CNTN5: variants seen among roughly 807,000 people sequenced by gnomAD.
CNTN5 encodes the protein contactin 5.
In CNTN5, 77 loss-of-function variants were observed where a neutral mutation model predicts 129.1. The observed-to-expected ratio is 0.60, with a 90% CI of 0.50 to 0.72. CNTN5 has a LOEUF of 0.72. CNTN5 is among the 30% of genes least tolerant of loss of function. The pLI is 0.00. For missense variants in CNTN5, 1,478 were observed against 1,328.8 expected (o/e 1.11, Z -1.75); for synonymous variants, 509 against 465.6 (o/e 1.09, Z -1.20).
intron 1 of CNTN5, among the ~76,000 whole-genome samples, chr11:99,232,800 T>C (rs1861070542): frequency 6.6e-6 from 1 of 152,222 alleles, no homozygotes; most frequent in Admixed American, 6.5e-5. Context: ...CTCTATGATC[T>C]AATAACTTTG....
intron 1 of CNTN5, among the ~76,000 whole-genome samples, chr11:99,180,334 C>T (rs913372263): frequency 3.3e-5 from 5 of 152,086 alleles, no homozygotes; most frequent in African/African-American, 7.2e-5. Flanking sequence ...GCAACAGTCT[C>T]GGCTCCAGAG....
intron 13 of CNTN5, among the ~76,000 whole-genome samples, chr11:100,116,679 A>G (rs916253263): frequency 6.6e-6 from 1 of 152,004 alleles, no homozygotes; most frequent in Non-Finnish European, 1.5e-5. Context: ...TAATGATAAT[A>G]TAATATCTTT....
chr11:100,041,871 A>T (rs1942397811), intron 9 of CNTN5, among the ~76,000 whole-genome samples: 1 of 152,232 alleles, frequency 6.6e-6, no homozygotes, highest in Non-Finnish European at 1.5e-5. Context: ...TCTGAACCAC[A>T]TGAAGTCCTA....
chr11:99,072,585 A>G (rs552303105), intron 1 of CNTN5, among the ~76,000 whole-genome samples: 1 of 152,196 alleles, frequency 6.6e-6, no homozygotes, highest in East Asian at 1.9e-4. Flanking sequence ...GTTTTACCAT[A>G]TTTAGGAATT....
chr11:99,235,043 A>G (rs1591395196), intron 1 of CNTN5, among the ~76,000 whole-genome samples: 1 of 62,098 alleles, frequency 1.6e-5, no homozygotes. Context: ...AATGAAACCT[A>G]CCCTTTTTCT....
chr11:99,338,919 G>GATAT (rs10534485), intron 2 of CNTN5, among the ~76,000 whole-genome samples: 1,336 of 126,830 alleles, frequency 0.011, 12 homozygotes, highest in Middle Eastern at 0.03. Flanking sequence ...TTCATTCACA[G>GATAT]ATATATATAT....
chr11:99,174,534 A>T (rs950230695), intron 1 of CNTN5, among the ~76,000 whole-genome samples: 1 of 152,144 alleles, frequency 6.6e-6, no homozygotes, highest in Non-Finnish European at 1.5e-5. Flanking sequence ...TCTAGTGTTA[A>T]AAACTCTTTA....
chr11:100,196,797 C>G (rs150513456), intron 15 of CNTN5, among the ~76,000 whole-genome samples: 3 of 152,020 alleles, frequency 2.0e-5, no homozygotes, highest in Non-Finnish European at 2.9e-5. Flanking sequence ...TGATCCAATT[C>G]ATCCAAATCC....
intron 1 of CNTN5, among the ~76,000 whole-genome samples, chr11:99,097,676 T>G (rs1392893316): frequency 6.6e-6 from 1 of 151,914 alleles, no homozygotes; most frequent in Non-Finnish European, 1.5e-5. Flanking sequence ...TTTGAAAACT[T>G]AAGCCATTAT....
chr11:99,185,567 T>C (rs1858301914), intron 1 of CNTN5, among the ~76,000 whole-genome samples: 1 of 151,918 alleles, frequency 6.6e-6, no homozygotes, highest in South Asian at 2.1e-4. Context: ...AAAGTTTTTT[T>C]TCCCTATGAC....
At chr11:99,881,498 T>C (rs79178925) in intron 6 of CNTN5, among the ~76,000 whole-genome samples, 2 of 152,214 alleles carry the variant, frequency 1.3e-5, no homozygotes, top group African/African-American at 4.8e-5. Flanking sequence ...TAAAAATTCA[T>C]TGAAGTCCAC....
intron 3 of CNTN5, among the ~76,000 whole-genome samples, chr11:99,740,359 T>C (rs1254955286): frequency 6.6e-6 from 1 of 152,136 alleles, no homozygotes; most frequent in Non-Finnish European, 1.5e-5. Flanking sequence ...ATAATTGTCA[T>C]GGGTGCATGG....
chr11:99,240,879 CTG>C (rs375828861), intron 1 of CNTN5, among the ~76,000 whole-genome samples: 20 of 152,238 alleles, frequency 1.3e-4, no homozygotes, highest in African/African-American at 3.1e-4. Context: ...AACACACAGA[CTG>C]TGTTAATGTC....
rs1464269410 is a variant in CNTN5 at position 100,341,070 on chromosome 11, C to G, written c.2918-23C>G. On this transcript the variant is annotated intron_variant, in intron 22 of 24. Coordinates refer to ENST00000524871, the MANE Select transcript of CNTN5 (RefSeq NM_014361.4). ...ATGTATTTAAGAATCCTTGTCAGTTCACTTTCACTTTTTATTTTGCAGCTC... is the reference window on the plus strand; with the variant it reads ...ATGTATTTAAGAATCCTTGTCAGTTGACTTTCACTTTTTATTTTGCAGCTC... The G allele has an allele frequency of 1.4e-5, 20 of 1,464,662 alleles. 1 individual carries two copies. The highest frequency in any genetic ancestry group is 1.8e-5 in the Non-Finnish European group (19 of 1,045,034). 90.7% of individuals were successfully genotyped at this position (1,464,662 alleles called of 1,614,324 possible). A position where few individuals can be genotyped will look rare whatever the true frequency, so the allele number is the denominator to read the frequency against.
At chr11:99,996,567 C>G (rs1481389365) in intron 8 of CNTN5, among the ~76,000 whole-genome samples, 1 of 152,042 alleles carries the variant, frequency 6.6e-6, no homozygotes, top group Non-Finnish European at 1.5e-5. Flanking sequence ...TCCATTTACT[C>G]TCTCCTATCT....
intron 3 of CNTN5, among the ~76,000 whole-genome samples, chr11:99,628,714 A>G (rs1044108897): frequency 4.0e-5 from 6 of 151,812 alleles, no homozygotes; most frequent in African/African-American, 1.5e-4. Flanking sequence ...TATAGGTAAG[A>G]AAATATTTAG....
intron 3 of CNTN5, among the ~76,000 whole-genome samples, chr11:99,601,954 A>T (rs542747168): frequency 6.6e-6 from 1 of 152,318 alleles, no homozygotes; most frequent in East Asian, 1.9e-4. Flanking sequence ...AAAATGCATA[A>T]CCATTTTACC....
chr11:99,384,566 A>G (rs1306449824), intron 2 of CNTN5, among the ~76,000 whole-genome samples: 1 of 152,202 alleles, frequency 6.6e-6, no homozygotes, highest in African/African-American at 2.4e-5. Flanking sequence ...GTTTGTTGAC[A>G]AGAGAAAAAG....
intron 3 of CNTN5, among the ~76,000 whole-genome samples, chr11:99,596,131 G>A (rs1043245587): frequency 6.6e-6 from 1 of 152,132 alleles, no homozygotes; most frequent in African/African-American, 2.4e-5. Context: ...CTAAATTAAA[G>A]CTTTTGCAGG....
Sources: gnomAD v4.1 joint callset for allele counts (sites outside exome capture counted in the v4.1 genomes callset) on GRCh38, gnomAD v4.1.1 for gene constraint, MANE v1.5 for transcripts, NCBI Gene and HGNC (gene_info 2026-07-23, HGNC 2026-07-21) for gene names.